The following ARHGEF3 variants were observed in gnomAD, a reference collection of about 807,000 sequenced individuals.
ARHGEF3 encodes the protein Rho guanine nucleotide exchange factor 3.
ARHGEF3 carries 28 observed loss-of-function variants against 63.2 expected under a neutral mutation model. The observed-to-expected ratio is 0.44, with a 90% confidence interval of 0.33 to 0.61. The LOEUF is 0.61. ARHGEF3 is among the 20% of genes least tolerant of loss of function. ARHGEF3 has a pLI of 0.03. For missense variants in ARHGEF3, 533 were observed against 659.3 expected (o/e 0.81, Z 2.10); for synonymous variants, 266 against 254.2 (o/e 1.05, Z -0.44).
intron 2 of ARHGEF3, among the ~76,000 whole-genome samples, chr3:56,969,382 T>A (rs1172609605): frequency 4.6e-5 from 7 of 151,962 alleles, no homozygotes; most frequent in East Asian, 1.9e-4. Context: ...TCTTTTTTTC[T>A]TATTGATTGA....
In ARHGEF3 at chr3:56,994,020, C is replaced by CG. The variant is rs1701870064; in HGVS notation, c.63-35132dup. On this transcript the variant is annotated intron_variant, in intron 2 of 12. Coordinates refer to the ARHGEF3 transcript ENST00000338458. ...CGGAAGTTGCAGTGAGCCGAGATCGCGCCATTGCACTCCAGCCTGGGCGAC... is the reference window on the plus strand; with the variant it reads ...CGGAAGTTGCAGTGAGCCGAGATCGCGGCCATTGCACTCCAGCCTGGGCGAC... Among the ~76,000 whole-genome samples, 3 of 130,430 alleles carry CG rather than the reference C, an allele frequency of 2.3e-5. No individual in the cohort carries two copies. The Admixed American group carries it at 2.7e-4, about 12-fold the overall frequency. The allele number at this position is 130,430 out of a possible 152,430, so 85.6% of individuals were successfully genotyped here.
chr3:56,964,785 GAGA>G (rs1430481489), intron 2 of ARHGEF3, among the ~76,000 whole-genome samples: 5 of 152,114 alleles, frequency 3.3e-5, no homozygotes, highest in Admixed American at 2.6e-4. Context: ...AGACCTAACA[GAGA>G]AGAAGGACTC....
intron 3 of ARHGEF3, among the ~76,000 whole-genome samples, chr3:56,911,997 A>C (rs944238818): frequency 6.6e-6 from 1 of 151,716 alleles, no homozygotes; most frequent in Non-Finnish European, 1.5e-5. Flanking sequence ...ATATATATAC[A>C]TATATATGTT....
At chr3:57,073,076 T>C (rs1353216760) in intron 1 of ARHGEF3, among the ~76,000 whole-genome samples, 2 of 151,906 alleles carry the variant, frequency 1.3e-5, no homozygotes, top group Non-Finnish European at 2.9e-5. Context: ...AAAACATTAG[T>C]TGGTAAGCAA....
At chr3:56,808,950 G>A (rs1185839522) in intron 4 of ARHGEF3, among the ~76,000 whole-genome samples, 2 of 152,222 alleles carry the variant, frequency 1.3e-5, no homozygotes, top group Non-Finnish European at 2.9e-5. Flanking sequence ...GAGAAACGCT[G>A]TGGTAAAGAG....
At chr3:57,027,969 A>T (rs1447957490) in intron 2 of ARHGEF3, among the ~76,000 whole-genome samples, 1 of 152,166 alleles carries the variant, frequency 6.6e-6, no homozygotes, top group African/African-American at 2.4e-5. Context: ...CATCAGAGAA[A>T]TGCAAATCAA....
chr3:56,791,866 T>A (rs1254177716), intron 1 of ARHGEF3, among the ~76,000 whole-genome samples: 2 of 147,850 alleles, frequency 1.4e-5, no homozygotes. Context: ...ATAGCAAAAT[T>A]AAAAAAAAAA....
chr3:57,048,597 G>C (rs1400586190), intron 1 of ARHGEF3, among the ~76,000 whole-genome samples: 1 of 152,120 alleles, frequency 6.6e-6, no homozygotes, highest in East Asian at 1.9e-4. Context: ...AGCTCTGTGT[G>C]CTCTCGGGGT....
intron 2 of ARHGEF3, among the ~76,000 whole-genome samples, chr3:56,767,470 G>A (rs978395564): frequency 6.6e-6 from 1 of 150,792 alleles, no homozygotes; most frequent in Admixed American, 6.6e-5. Context: ...TATAGTCCCA[G>A]CTACTGGGGA....
At chr3:57,008,620 G>A (rs1430511803) in intron 2 of ARHGEF3, among the ~76,000 whole-genome samples, 1 of 152,104 alleles carries the variant, frequency 6.6e-6, no homozygotes, top group Non-Finnish European at 1.5e-5. Flanking sequence ...GGGATTATAG[G>A]CAATTACACC....
At chr3:56,769,616 G>T (rs2035898736) in intron 2 of ARHGEF3, among the ~76,000 whole-genome samples, 1 of 152,172 alleles carries the variant, frequency 6.6e-6, no homozygotes, top group Non-Finnish European at 1.5e-5. Flanking sequence ...TGTGTGACTG[G>T]GCTTTTAACA....
chr3:56,881,852 C>G (rs924931285), intron 4 of ARHGEF3, among the ~76,000 whole-genome samples: 72 of 152,230 alleles, frequency 4.7e-4, no homozygotes, highest in Non-Finnish European at 9.7e-4. Context: ...AAACTAAGAT[C>G]TGCTGATCCA....
At chr3:57,024,261 A>C (rs571206845) in intron 2 of ARHGEF3, among the ~76,000 whole-genome samples, 1 of 151,136 alleles carries the variant, frequency 6.6e-6, no homozygotes, top group East Asian at 2.0e-4. Flanking sequence ...ACTCTACTCC[A>C]ATTTGACCTG....
intron 2 of ARHGEF3, among the ~76,000 whole-genome samples, chr3:56,972,541 C>A (rs1700958524): frequency 6.6e-6 from 1 of 151,850 alleles, no homozygotes; most frequent in African/African-American, 2.4e-5. Context: ...GGTAGGGGAT[C>A]GGGGGTGGTG....
chr3:57,032,218 G>C (rs1703761894), intron 2 of ARHGEF3, among the ~76,000 whole-genome samples: 1 of 152,144 alleles, frequency 6.6e-6, no homozygotes, highest in Non-Finnish European at 1.5e-5. Flanking sequence ...ATTTTGGATG[G>C]GCATGGGTGA....
chr3:57,031,642 T>C (rs554307790), intron 2 of ARHGEF3, among the ~76,000 whole-genome samples: 2 of 152,354 alleles, frequency 1.3e-5, no homozygotes, highest in African/African-American at 4.8e-5. Flanking sequence ...ACAATAGTAT[T>C]CAATCAATGC....
chr3:56,824,113 G>T (rs1196779898), intron 4 of ARHGEF3, among the ~76,000 whole-genome samples: 1 of 152,110 alleles, frequency 6.6e-6, no homozygotes, highest in Admixed American at 6.6e-5. Context: ...AAAGCCTGTG[G>T]ACATCAGAGG....
In ARHGEF3 at chr3:56,995,633, G is replaced by C. The variant is rs1410750620; in HGVS notation, c.63-36744C>G. Among the ~76,000 whole-genome samples, 156 of 63,784 alleles carry C rather than the reference G, an allele frequency of 2.4e-3. 1 individual carries two copies. Among genetic ancestry groups the C allele is most frequent in the African/African-American group, 6.7e-3 (139 of 20,884 alleles). The allele number at this position is 63,784 out of a possible 152,430, so 41.8% of individuals were successfully genotyped here. On this transcript the variant is annotated intron_variant, in intron 2 of 12. Coordinates refer to the ARHGEF3 transcript ENST00000338458. ...GAGTAAATTTTCCGAGAGAGAGAGA[G>C]AGAGAGAGAGAGAGAGAGAGAGAGA...
intron 2 of ARHGEF3, among the ~76,000 whole-genome samples, chr3:56,963,463 G>C (rs750042477): frequency 1.3e-5 from 2 of 152,046 alleles, no homozygotes; most frequent in Non-Finnish European, 2.9e-5. Flanking sequence ...CACAAATCTG[G>C]ACCTGAGGTA....
Sources: gnomAD v4.1 joint callset for allele counts (sites outside exome capture counted in the v4.1 genomes callset) on GRCh38, gnomAD v4.1.1 for gene constraint, MANE v1.5 for transcripts, NCBI Gene and HGNC (gene_info 2026-07-23, HGNC 2026-07-21) for gene names.